The following PLA2G4F variants were observed in gnomAD, a reference collection of about 807,000 sequenced individuals.
PLA2G4F encodes the protein cytosolic phospholipase A2 zeta.
Under a neutral mutation model 103.1 loss-of-function variants are expected in PLA2G4F, and 105 were observed. That is an observed-to-expected ratio of 1.02 (90% CI 0.87 to 1.20). PLA2G4F has a LOEUF of 1.20. Ranked by LOEUF, PLA2G4F falls within the 50% of genes most tolerant of loss-of-function variation. PLA2G4F has a pLI of 0.00. For missense variants in PLA2G4F, 1,155 were observed against 1,075.9 expected (o/e 1.07, Z -1.03); for synonymous variants, 468 against 441.1 (o/e 1.06, Z -0.76).
Position 42,147,288 on chromosome 15 carries a change from T to TG in PLA2G4F, c.1254dup (p.Ile419HisfsTer2), listed in dbSNP as rs1312595783. On this transcript the variant is annotated frameshift_variant, in exon 13 of 20. Coordinates refer to ENST00000397272, the MANE Select transcript of PLA2G4F (RefSeq NM_213600.4). LOFTEE classifies it high-confidence loss of function. ...CAGACGTGAACCTGGGCACGCTCAA[T>TG]GGGGCCCTGCAAGGCCACCTGGGAC... 6.2e-7 allele frequency: 1 copy of TG among 1,610,990 alleles called. No individual in the cohort carries two copies. The highest frequency in any genetic ancestry group is 8.5e-7 in the Non-Finnish European group (1 of 1,179,946).
chr15:42,149,425 C>T lies in PLA2G4F; in HGVS notation c.1059+288G>A, dbSNP rs2048929240. On this transcript the variant is annotated intron_variant, in intron 11 of 19. Transcript: ENST00000397272. ...GCAGAAACCAACCCTGATGATGACACCTTCATCTCGGACTTCCAGCCCCTA... is the reference window on the plus strand; with the variant it reads ...GCAGAAACCAACCCTGATGATGACATCTTCATCTCGGACTTCCAGCCCCTA... The T allele has an allele frequency of 1.8e-5, 16 of 906,720 alleles. No homozygotes were observed. The South Asian group carries it at 7.2e-4, about 41-fold the overall frequency. The allele number at this position is 906,720 out of a possible 1,614,324, so 56.2% of individuals were successfully genotyped here.
Position 42,156,565 on chromosome 15 carries a change from G to T in PLA2G4F, c.-16C>A, listed in dbSNP as rs1006291654. On this transcript the variant is annotated 5_prime_UTR_variant, in exon 1 of 20. Coordinates refer to ENST00000397272, the MANE Select transcript of PLA2G4F (RefSeq NM_213600.4). ...CCCAAAGCATGGCTGGGCAGCCCGG[G>T]CCCCAGCAGGGAACCCTGCCTGCGC... 2 of 1,525,336 alleles carry T rather than the reference G, an allele frequency of 1.3e-6. No individual in the cohort carries two copies. Among genetic ancestry groups the T allele is most frequent in the Admixed American group, 4.2e-5 (2 of 47,714 alleles). The allele number at this position is 1,525,336 out of a possible 1,614,324, so 94.5% of individuals were successfully genotyped here. A position where few individuals can be genotyped will look rare whatever the true frequency, so the allele number is the denominator to read the frequency against.
chr15:42,145,646 T>C lies in PLA2G4F; in HGVS notation c.1709A>G (p.Glu570Gly). 6.2e-7 allele frequency: 1 copy of C among 1,614,112 alleles called. No individual in the cohort carries two copies. Among genetic ancestry groups the C allele is most frequent in the Non-Finnish European group, 8.5e-7 (1 of 1,180,008 alleles). ...WGSAFATSLD[E>G]IFLKTAGSGL... Reference sequence around the variant, plus strand: ...CGAGCCGGCGGTCTTTAGGAAGATCTCATCCAGGCTGGTGGCAAAGGCGCT... The same window carrying C: ...CGAGCCGGCGGTCTTTAGGAAGATCCCATCCAGGCTGGTGGCAAAGGCGCT... Residue 570 changes from glutamate to glycine, a missense_variant, in exon 16 of 20, where the codon GAG (glutamate) becomes GGG (glycine). Physicochemically the swap from Glu to Gly is moderately conservative, Grantham distance 98. Transcript: ENST00000397272.
At position 42,140,366 on chromosome 15, in the gene PLA2G4F, G is replaced by C. The variant is rs895052106; in HGVS notation, c.*1618C>G. The C allele has an allele frequency of 1.3e-5, 2 of 152,254 alleles. No homozygotes were observed. The highest frequency in any genetic ancestry group is 2.9e-5 in the Non-Finnish European group (2 of 68,068). 9.4% of individuals were successfully genotyped at this position (152,254 alleles called of 1,614,324 possible). On this transcript the variant is annotated 3_prime_UTR_variant, in exon 20 of 20. Transcript: ENST00000397272. ...TGTGAACGCTGTGCAGTTCTGAGCTGTGAACCCTATGAAGGTTTTACTAAC... is the reference window on the plus strand; with the variant it reads ...TGTGAACGCTGTGCAGTTCTGAGCTCTGAACCCTATGAAGGTTTTACTAAC...
chr15:42,149,516 C>T (rs1425341941), intron 11 of PLA2G4F, 197 bp downstream of exon 11: 5 of 985,334 alleles, frequency 5.1e-6, no homozygotes, highest in Non-Finnish European at 6.0e-6. Flanking sequence ...TTACGGCGGC[C>T]CACATAGACA....
chr15:42,155,572 G>A lies in PLA2G4F; in HGVS notation c.129C>T (p.Tyr43=). Reference sequence around the variant, plus strand: ...TCAGCACCTTCACCTGGAGGTCATAGTATGGGTAGGTTTCCCGCTGCAATA... The same window carrying A: ...TCAGCACCTTCACCTGGAGGTCATAATATGGGTAGGTTTCCCGCTGCAATA... ...WRHWRRETYP[Y]YDLQVKVLRA... The change falls in exon 2 of 20, where the codon TAC becomes TAT. Residue 43 remains tyrosine (Y), a synonymous_variant. Coordinates refer to ENST00000397272, the MANE Select transcript of PLA2G4F (RefSeq NM_213600.4). The A allele has an allele frequency of 2.5e-6, 4 of 1,614,084 alleles. No individual in the cohort carries two copies. The highest frequency in any genetic ancestry group is 3.4e-6 in the Non-Finnish European group (4 of 1,179,942).
rs930582999 is a variant in PLA2G4F at position 42,150,678 on chromosome 15, G to A, written c.701C>T (p.Thr234Ile). 1.7e-5 allele frequency: 27 copies of A among 1,613,770 alleles called. No homozygotes were observed. The highest frequency in any genetic ancestry group is 2.1e-5 in the Non-Finnish European group (25 of 1,179,976). The change falls in exon 8 of 20, where the codon ACC becomes ATC. Residue 234 changes from threonine to isoleucine, a missense_variant. Physicochemically the swap from Thr to Ile is moderately conservative, Grantham distance 89. Around this residue, in one of 3 missense-constraint regions of PLA2G4F, gnomAD observed 370 missense variants for 364.9 expected, o/e 1.01. Transcript: ENST00000397272. ...GCTCAGCACTGGGTTCACGTGGAAG[G>A]TAAAGGTGGGTGGGAGGCCTGGCTC... ...PTEPGLPPTF[T>I]FHVNPVLSSR...
intron 1 of PLA2G4F, among the ~76,000 whole-genome samples, chr15:42,156,192 C>T (rs112435983): frequency 1.8e-4 from 27 of 152,308 alleles, no homozygotes; most frequent in African/African-American, 6.3e-4. Flanking sequence ...CAGCCAGGCT[C>T]GCGCATCCTT....
At chr15:42,150,286 C>T in intron 9 of PLA2G4F, 87 bp downstream of exon 9, 1 of 1,531,134 alleles carries the variant, frequency 6.5e-7, no homozygotes, top group Non-Finnish European at 8.9e-7. Context: ...CCTGATCCAG[C>T]CACCCTCTTG....
intron 1 of PLA2G4F, 105 bp from the exon 2 acceptor site, chr15:42,155,694 A>T (rs2049008703): frequency 1.1e-5 from 13 of 1,137,922 alleles, no homozygotes; most frequent in Non-Finnish European, 1.7e-5. Flanking sequence ...GCATAGGGTC[A>T]CTGACGTCTC....
rs1481323036 is a variant in PLA2G4F, at chr15:42,149,853, C to A, written c.924-5G>T. 5.6e-6 allele frequency: 9 copies of A among 1,614,022 alleles called. No individual in the cohort carries two copies. Among genetic ancestry groups the A allele is most frequent in the Non-Finnish European group, 7.6e-6 (9 of 1,180,006 alleles). ...CGTAGGTCTAGGTCCCCGGAGCTGCCTCAAGTAGGGTGGGGTGGCGGTGGG... is the reference window on the plus strand; with the variant it reads ...CGTAGGTCTAGGTCCCCGGAGCTGCATCAAGTAGGGTGGGGTGGCGGTGGG... On this transcript the variant is annotated splice_region_variant and splice_polypyrimidine_tract_variant and intron_variant, in intron 10 of 19. Transcript: ENST00000397272.
intron 16 of PLA2G4F, among the ~76,000 whole-genome samples, chr15:42,144,947 CACTG>C (rs1300377155): frequency 1.3e-5 from 2 of 152,206 alleles, no homozygotes; most frequent in African/African-American, 2.4e-5. Flanking sequence ...GTCCATTAAA[CACTG>C]ACTGAGCAAT....
chr15:42,139,616 G>A lies in PLA2G4F; in HGVS notation c.*2368C>T, dbSNP rs530699508. ...CATCTCAGATAAGGGTTGGGAATGA[G>A]GTAAAGACTCAGATCTCTCCTGAGG... On this transcript the variant is annotated 3_prime_UTR_variant, in exon 20 of 20. Transcript: ENST00000397272. The A allele has an allele frequency of 6.6e-6, 1 of 152,224 alleles. No individual in the cohort carries two copies. The highest frequency in any genetic ancestry group is 1.5e-5 in the Non-Finnish European group (1 of 68,076). 9.4% of individuals were successfully genotyped at this position (152,224 alleles called of 1,614,324 possible).
Position 42,147,251 on chromosome 15 carries a change from A to C in PLA2G4F, c.1292T>G (p.Met431Arg). The C allele has an allele frequency of 6.2e-7, 1 of 1,612,378 alleles. No homozygotes were observed. ...TAGCCGCTCCGTGGACAAAGCTCCC[A>C]TCTTACTGCTGCAGACGTGAACCTG... is the stretch of plus-strand genomic sequence containing the variant. Reference protein sequence around the residue: ...RAQVHVCSSKMGALSTERLQY... With the variant: ...RAQVHVCSSKRGALSTERLQY... The change falls in exon 13 of 20, where the codon ATG becomes AGG. Residue 431 changes from methionine (M) to arginine (R), a missense_variant. Physicochemically the swap from Met to Arg is moderately conservative, Grantham distance 91. This residue lies in a region of PLA2G4F where 782 missense variants were observed against 692.9 expected (regional missense o/e 1.13). Coordinates refer to ENST00000397272, the MANE Select transcript of PLA2G4F (RefSeq NM_213600.4).
At position 42,139,434 on chromosome 15, in the gene PLA2G4F, CCT is replaced by C. The variant is rs1245651897; in HGVS notation, c.*2548_*2549del. ...GACCAATCTCCTACACTTGTGGCCC[CCT>C]TTTTCTTCCCTTGCCTCATGAGGAG... On this transcript the variant is annotated 3_prime_UTR_variant, in exon 20 of 20. Coordinates refer to ENST00000397272, the MANE Select transcript of PLA2G4F (RefSeq NM_213600.4). 6.6e-6 allele frequency: 1 copy of C among 152,122 alleles called. No homozygotes were observed. Among genetic ancestry groups the C allele is most frequent in the Non-Finnish European group, 1.5e-5 (1 of 68,084 alleles). The allele number at this position is 152,122 out of a possible 1,614,324, so 9.4% of individuals were successfully genotyped here.
chr15:42,147,622 T>C lies in PLA2G4F; in HGVS notation c.1196+4A>G, dbSNP rs1418402020. The C allele has an allele frequency of 3.1e-6, 5 of 1,613,796 alleles. No homozygotes were observed. Among genetic ancestry groups the C allele is most frequent in the Non-Finnish European group, 4.2e-6 (5 of 1,179,872 alleles). ...ACCCTGTGCCCTGCCCCCACCTCAC[T>C]TACCAGGTAGACCCAGAGACCCCAC... On this transcript the variant is annotated splice_donor_region_variant and intron_variant, in intron 12 of 19. Transcript: ENST00000397272.
chr15:42,142,777 A>C, intron 18 of PLA2G4F, 63 bp from the exon 19 acceptor site: 1 of 1,539,398 alleles, frequency 6.5e-7, no homozygotes, highest in Non-Finnish European at 8.9e-7. Context: ...GCCGCCCTGG[A>C]CTCACACACG....
At chr15:42,153,925 G>T (rs1242923346) in intron 4 of PLA2G4F, among the ~76,000 whole-genome samples, 167 bp downstream of exon 4, 1 of 152,252 alleles carries the variant, frequency 6.6e-6, no homozygotes, top group Non-Finnish European at 1.5e-5. Context: ...TTGGTTTCAT[G>T]CAAGGAAGAT....
In PLA2G4F at chr15:42,146,897, C is replaced by T. The variant is rs149196310; in HGVS notation, c.1419+227G>A. ...GCTGCGCCGGTGATTCTAATATGCACCCAGAGCTGAGCGCTGCGGACCAGG... is the reference window on the plus strand; with the variant it reads ...GCTGCGCCGGTGATTCTAATATGCATCCAGAGCTGAGCGCTGCGGACCAGG... On this transcript the variant is annotated intron_variant, in intron 13 of 19. Coordinates refer to ENST00000397272, the MANE Select transcript of PLA2G4F (RefSeq NM_213600.4). The T allele has an allele frequency of 1.7e-3, 949 of 549,358 alleles. 4 individuals carry two copies. The highest frequency in any genetic ancestry group is 2.9e-3 in the Middle Eastern group (6 of 2,050). The allele number at this position is 549,358 out of a possible 1,614,324, so 34.0% of individuals were successfully genotyped here. A position where few individuals can be genotyped will look rare whatever the true frequency, so the allele number is the denominator to read the frequency against.
Sources: allele counts gnomAD v4.1 joint callset (sites outside exome capture counted in the v4.1 genomes callset), GRCh38; gene constraint gnomAD v4.1.1; regional missense constraint gnomAD v4.1.1; transcripts MANE v1.5; gene names NCBI Gene and HGNC (gene_info 2026-07-23, HGNC 2026-07-21).